The following CHP1 variants were observed in gnomAD, a reference collection of about 807,000 sequenced individuals.
The protein encoded by CHP1 is calcineurin B homologous protein 1.
A neutral mutation model predicts 27.4 loss-of-function variants in CHP1; 11 were observed. The observed-to-expected ratio is 0.40, with a 90% CI of 0.25 to 0.67. The LOEUF (loss-of-function observed/expected upper bound fraction) is 0.67, where lower values mean the gene tolerates loss of function less well. Ranked by LOEUF, CHP1 falls within the 30% of genes least tolerant of loss-of-function variation. CHP1 has a pLI of 0.38. For missense variants in CHP1, 169 were observed against 251.3 expected, an observed-to-expected ratio of 0.67 and a Z score of 2.22; for synonymous variants, 89 against 87.4, an observed-to-expected ratio of 1.02 and a Z score of -0.10.
chr15:41,237,856 C>T (rs554856978), intron 1 of CHP1, among the ~76,000 whole-genome samples: 4 of 152,168 alleles, frequency 2.6e-5, no homozygotes, highest in African/African-American at 4.8e-5. Context: ...ACTATAGGCA[C>T]GTGCCACCAT....
intron 1 of CHP1, among the ~76,000 whole-genome samples, chr15:41,238,735 G>T (rs1595470430): frequency 6.6e-6 from 1 of 151,396 alleles, no homozygotes; most frequent in African/African-American, 2.4e-5. Flanking sequence ...ACCTGTAGTC[G>T]CAGCTACTCA....
At chr15:41,270,276 C>A (rs942036165) in intron 4 of CHP1, among the ~76,000 whole-genome samples, 1 of 150,220 alleles carries the variant, frequency 6.7e-6, no homozygotes, top group Admixed American at 6.6e-5. Context: ...TGGGGGGGGG[C>A]GTTTAACATT....
rs2047403374 is a variant in CHP1, at chr15:41,256,927, G to A, written c.158G>A (p.Arg53Lys). 6.2e-7 allele frequency: 1 copy of A among 1,614,080 alleles called. No individual in the cohort carries two copies. The highest frequency in any genetic ancestry group is 8.5e-7 in the Non-Finnish European group (1 of 1,179,996). Residue 53 changes from arginine to lysine, a missense_variant, in exon 3 of 7, where the codon AGG becomes AAG. Arg to Lys is a conservative substitution (Grantham distance 26). Transcript: ENST00000334660. ...CTTGGCAGCCGGGAAGATTTCCAGAGGATTCCAGAACTTGCCATCAACCCA... is the reference window on the plus strand; with the variant it reads ...CTTGGCAGCCGGGAAGATTTCCAGAAGATTCCAGAACTTGCCATCAACCCA... ...NGTLSREDFQRIPELAINPLG... is the reference protein window; with the variant it reads ...NGTLSREDFQKIPELAINPLG...
At chr15:41,248,972 A>G (rs1280555512) in intron 2 of CHP1, among the ~76,000 whole-genome samples, 4 of 152,068 alleles carry the variant, frequency 2.6e-5, no homozygotes, top group African/African-American at 9.7e-5. Context: ...CCCTTCTCTC[A>G]GCCCTCTCCT....
chr15:41,246,388 C>T lies in CHP1; in HGVS notation c.140+2649C>T, dbSNP rs941462213. ...AGGCTGGAGTGCAATGGTGTGATCT[C>T]GGCTCACTGCAACCTCTGCCTCCCG... On this transcript the variant is annotated intron_variant, in intron 2 of 6. Coordinates refer to ENST00000334660, the MANE Select transcript of CHP1 (RefSeq NM_007236.5). 4.7e-5 allele frequency among the ~76,000 whole-genome samples: 7 copies of T among 149,616 alleles called. No individual in the cohort carries two copies. The South Asian group carries it at 1.1e-3, about 23-fold the overall frequency.
chr15:41,270,691 T>C, intron 5 of CHP1, 73 bp downstream of exon 5: 3 of 1,179,232 alleles, frequency 2.5e-6, no homozygotes, highest in Non-Finnish European at 3.8e-6. Flanking sequence ...AACTATTCTT[T>C]CCTTTAGTAA....
chr15:41,256,491 A>G (rs1004947812), intron 2 of CHP1, among the ~76,000 whole-genome samples: 5 of 152,180 alleles, frequency 3.3e-5, no homozygotes, highest in African/African-American at 1.2e-4. Flanking sequence ...CTTAACAAGG[A>G]TATGGAGACC....
intron 2 of CHP1, among the ~76,000 whole-genome samples, chr15:41,244,208 A>AG (rs1309773760): frequency 1.4e-5 from 2 of 141,692 alleles, no homozygotes; most frequent in African/African-American, 6.1e-5. Context: ...AAAAAAAAAA[A>AG]AAAAACAGCG....
chr15:41,264,236 G>T, intron 4 of CHP1: 3 of 1,284,008 alleles, frequency 2.3e-6, no homozygotes, highest in Non-Finnish European at 3.0e-6. Context: ...AGCATGGAAT[G>T]TAAGTCCTTC....
chr15:41,274,249 G>A (rs557553895), intron 5 of CHP1, among the ~76,000 whole-genome samples: 24 of 152,080 alleles, frequency 1.6e-4, no homozygotes, highest in African/African-American at 4.1e-4. Context: ...ATGAGCCACC[G>A]CACCTGGCCT....
In CHP1 at chr15:41,231,304, C is replaced by A. The variant is rs1595467506; in HGVS notation, c.-79C>A. Reference sequence around the variant, plus strand: ...TGCCCTCTCCCTTCTTGACCCCTAGCCCTTCCTTCCCTCCCTCCTTCCCTC... The same window carrying A: ...TGCCCTCTCCCTTCTTGACCCCTAGACCTTCCTTCCCTCCCTCCTTCCCTC... On this transcript the variant is annotated 5_prime_UTR_variant, in exon 1 of 7. Transcript: ENST00000334660. 7.3e-7 allele frequency: 1 copy of A among 1,363,162 alleles called. No individual in the cohort carries two copies. Among genetic ancestry groups the A allele is most frequent in the Non-Finnish European group, 1.0e-6 (1 of 975,762 alleles). The allele number at this position is 1,363,162 out of a possible 1,614,324, so 84.4% of individuals were successfully genotyped here.
intron 1 of CHP1, among the ~76,000 whole-genome samples, chr15:41,239,723 C>T (rs1408679504): frequency 6.6e-6 from 1 of 151,868 alleles, no homozygotes; most frequent in African/African-American, 2.4e-5. Flanking sequence ...CAGCCATAAA[C>T]TGGTCTTAAC....
intron 2 of CHP1, among the ~76,000 whole-genome samples, chr15:41,252,332 C>A (rs1051388687): frequency 2.6e-5 from 4 of 151,924 alleles, no homozygotes; most frequent in Admixed American, 1.3e-4. Context: ...CCACGCCCGT[C>A]TGATTTTTGT....
intron 1 of CHP1, among the ~76,000 whole-genome samples, chr15:41,240,442 C>T (rs2047300391): frequency 1.3e-5 from 2 of 152,060 alleles, no homozygotes; most frequent in Non-Finnish European, 2.9e-5. Flanking sequence ...GTAAAGTACA[C>T]GAGTAACTGA....
chr15:41,232,500 C>T (rs1267281394), intron 1 of CHP1, among the ~76,000 whole-genome samples: 1 of 151,344 alleles, frequency 6.6e-6, no homozygotes, highest in South Asian at 2.1e-4. Context: ...TGTGAGCCAC[C>T]GTGCCCTGCA....
intron 2 of CHP1, among the ~76,000 whole-genome samples, chr15:41,248,015 T>A (rs963682475): frequency 2.2e-4 from 32 of 144,100 alleles, no homozygotes; most frequent in African/African-American, 7.8e-4. Flanking sequence ...TAAATAAGTA[T>A]CTAAGTAAGA....
Position 41,279,457 on chromosome 15 carries a change from ACTCCAC to A in CHP1, c.*76_*81del. 7.8e-7 allele frequency: 1 copy of A among 1,286,882 alleles called. No homozygotes were observed. Among genetic ancestry groups the A allele is most frequent in the Non-Finnish European group, 1.1e-6 (1 of 890,488 alleles). The allele number at this position is 1,286,882 out of a possible 1,614,324, so 79.7% of individuals were successfully genotyped here. A position where few individuals can be genotyped will look rare whatever the true frequency, so the allele number is the denominator to read the frequency against. On this transcript the variant is annotated 3_prime_UTR_variant, in exon 7 of 7. Transcript: ENST00000334660. ...GAACTTGAAAGTCCTCCTTCTACCA[ACTCCAC>A]CTCCACCCCCTCATTCCCCTTCTCC...
chr15:41,253,385 TAAC>T (rs2047380511), intron 2 of CHP1, among the ~76,000 whole-genome samples: 1 of 152,074 alleles, frequency 6.6e-6, no homozygotes, highest in South Asian at 2.1e-4. Context: ...CCAGTAATAA[TAAC>T]TTGTTCGTAT....
chr15:41,266,249 C>T (rs1263946945), intron 4 of CHP1, among the ~76,000 whole-genome samples: 1 of 151,942 alleles, frequency 6.6e-6, no homozygotes, highest in African/African-American at 2.4e-5. Flanking sequence ...CGCTATTGCA[C>T]TCCAGACTGG....
Sources: allele counts gnomAD v4.1 joint callset (sites outside exome capture counted in the v4.1 genomes callset), GRCh38; gene constraint gnomAD v4.1.1; transcripts MANE v1.5; gene names NCBI Gene and HGNC (gene_info 2026-07-23, HGNC 2026-07-21).